Variants in PIK3C2G observed in about 807,000 individuals in gnomAD.
PIK3C2G encodes the protein phosphatidylinositol-4-phosphate 3-kinase catalytic subunit type 2 gamma.
PIK3C2G carries 168 observed loss-of-function variants against 181.1 expected under a neutral mutation model. The ratio of observed to expected loss-of-function variants is 0.93; its 90% confidence interval spans 0.82 to 1.05. The LOEUF (loss-of-function observed/expected upper bound fraction) is 1.05. PIK3C2G is among the 50% of genes least tolerant of loss of function. PIK3C2G has a pLI of 0.00. For synonymous variants in PIK3C2G, 573 were observed against 592.2 expected (o/e 0.97, Z 0.47); for missense variants, 1,869 against 1,732.8 (o/e 1.08, Z -1.40).
chr12:18,366,356 A>G (rs1166762498), intron 12 of PIK3C2G, among the ~76,000 whole-genome samples: 2 of 152,088 alleles, frequency 1.3e-5, no homozygotes, highest in African/African-American at 4.8e-5. Context: ...AACATGGCGA[A>G]ACCCCATCTC....
intron 18 of PIK3C2G, among the ~76,000 whole-genome samples, chr12:18,453,767 A>G (rs1205978753): frequency 1.3e-5 from 2 of 151,116 alleles, no homozygotes; most frequent in East Asian, 3.9e-4. Flanking sequence ...TTTGCTATCA[A>G]AAAAAAAGTA....
chr12:18,392,113 T>G (rs1779068219), intron 15 of PIK3C2G, among the ~76,000 whole-genome samples: 1 of 152,070 alleles, frequency 6.6e-6, no homozygotes, highest in Non-Finnish European at 1.5e-5. Context: ...CCATGATGGC[T>G]AGAACTAAGA....
chr12:18,514,529 T>C (rs973324035), intron 24 of PIK3C2G, among the ~76,000 whole-genome samples: 2 of 151,970 alleles, frequency 1.3e-5, no homozygotes, highest in African/African-American at 4.8e-5. Flanking sequence ...GCCTTTTTGA[T>C]GTCTTTTTCA....
chr12:18,500,385 G>A (rs970546218), intron 22 of PIK3C2G, among the ~76,000 whole-genome samples: 1 of 152,200 alleles, frequency 6.6e-6, no homozygotes, highest in East Asian at 1.9e-4. Context: ...CTTCCCGCGG[G>A]GCAAGGCTCG....
Position 18,282,625 on chromosome 12 carries a change from T to C in PIK3C2G, c.544T>C (p.Phe182Leu). Residue 182 changes from phenylalanine (F) to leucine (L), a missense_variant, in exon 2 of 33, where the codon TTC becomes CTC. Transcript: ENST00000538779. ...ESSIPPTNSSFSSDFMPKEEN... is the reference protein window; with the variant it reads ...ESSIPPTNSSLSSDFMPKEEN... ...TAGCATTCCTCCAACAAATTCATCC[T>C]TCTCAAGTGACTTCATGCCGAAAGA... 6.2e-7 allele frequency: 1 copy of C among 1,613,388 alleles called. No homozygotes were observed. Among genetic ancestry groups the C allele is most frequent in the Non-Finnish European group, 8.5e-7 (1 of 1,179,398 alleles).
intron 31 of PIK3C2G, among the ~76,000 whole-genome samples, chr12:18,622,113 A>G (rs569678436): frequency 1.3e-3 from 198 of 152,008 alleles, no homozygotes; most frequent in Non-Finnish European, 2.3e-3. Context: ...ACAATACTCA[A>G]TTATTAGTGA....
intron 19 of PIK3C2G, among the ~76,000 whole-genome samples, chr12:18,489,053 C>T (rs1940321743): frequency 6.6e-6 from 1 of 151,916 alleles, no homozygotes; most frequent in Admixed American, 6.6e-5. Flanking sequence ...AAATCAATGG[C>T]CTTAAGAACA....
At position 18,292,227 on chromosome 12, in the gene PIK3C2G, A is replaced by AAAAAAAAAAAAAT; in HGVS notation, c.919+1216_919+1217insAAAAAAAAAAATA. ...CTCCATCTCAAAAAAAAAAAAAAAAAATATATATATATATATATATATATA... is the reference window on the plus strand; with the variant it reads ...CTCCATCTCAAAAAAAAAAAAAAAAAAAAAAAAAAAAATATATATATATATATATATATATATA... On this transcript the variant is annotated intron_variant, in intron 4 of 32. Transcript: ENST00000538779. Among the ~76,000 whole-genome samples, 29 of 48,718 alleles carry AAAAAAAAAAAAAT rather than the reference A, an allele frequency of 6.0e-4. 1 individual carries two copies. Among genetic ancestry groups the AAAAAAAAAAAAAT allele is most frequent in the Non-Finnish European group, 7.7e-4 (23 of 29,926 alleles). 32.0% of individuals were successfully genotyped at this position (48,718 alleles called of 152,430 possible).
At chr12:18,691,028 T>G in the PIK3C2G span, among the ~76,000 whole-genome samples, 1 of 152,168 alleles carries the variant, frequency 6.6e-6, no homozygotes, top group East Asian at 1.9e-4. Context: ...ACAGGCTACC[T>G]GAAACCATCA....
At chr12:18,392,842 G>C (rs1272488723) in intron 15 of PIK3C2G, among the ~76,000 whole-genome samples, 1 of 152,022 alleles carries the variant, frequency 6.6e-6, no homozygotes, top group Non-Finnish European at 1.5e-5. Context: ...GGACTGAATT[G>C]ACCTTGCATA....
intron 16 of PIK3C2G, among the ~76,000 whole-genome samples, chr12:18,407,915 A>G (rs1326511906): frequency 1.3e-5 from 2 of 152,174 alleles, no homozygotes; most frequent in African/African-American, 4.8e-5. Flanking sequence ...AGATGAACTG[A>G]CATTTGAAGG....
At chr12:18,530,483 T>C (rs961645779) in intron 24 of PIK3C2G, among the ~76,000 whole-genome samples, 1 of 152,200 alleles carries the variant, frequency 6.6e-6, no homozygotes, top group African/African-American at 2.4e-5. Flanking sequence ...ACAAATTTCC[T>C]GGAGGAGTTG....
intron 1 of PIK3C2G, among the ~76,000 whole-genome samples, chr12:18,281,517 G>GT (rs1555144750): frequency 1.3e-5 from 2 of 150,288 alleles, no homozygotes; most frequent in Admixed American, 6.9e-5. Context: ...ATTATTTCGA[G>GT]TTTTTTGGGG....
upstream of PIK3C2G, among the ~76,000 whole-genome samples, chr12:18,257,884 A>G (rs985245481): frequency 1.3e-5 from 2 of 152,082 alleles, no homozygotes; most frequent in Non-Finnish European, 2.9e-5. Context: ...GAAAGAAAGA[A>G]AAGAAACAGA....
At chr12:18,539,529 T>C (rs924568997) in intron 25 of PIK3C2G, among the ~76,000 whole-genome samples, 2 of 151,882 alleles carry the variant, frequency 1.3e-5, no homozygotes, top group Admixed American at 1.3e-4. Context: ...TAATTTTTAT[T>C]AAACAAAATT....
the PIK3C2G span, among the ~76,000 whole-genome samples, chr12:18,707,863 G>A: frequency 1.3e-5 from 2 of 152,004 alleles, no homozygotes; most frequent in Non-Finnish European, 2.9e-5. Context: ...TTGCTCTTTT[G>A]GGTGTTTTTA....
chr12:18,715,520 GC>G, the PIK3C2G span, among the ~76,000 whole-genome samples: 1 of 151,802 alleles, frequency 6.6e-6, no homozygotes, highest in Non-Finnish European at 1.5e-5. Context: ...TCCTGCCTCA[GC>G]CCCCTGAGTA....
chr12:18,371,329 G>C lies in PIK3C2G; in HGVS notation c.1880+18G>C. ...CCAAAAGAGTAAGTGTATCAATTGTGAGTAATAAGCCTATCATTTCAATAA... is the reference window on the plus strand; with the variant it reads ...CCAAAAGAGTAAGTGTATCAATTGTCAGTAATAAGCCTATCATTTCAATAA... On this transcript the variant is annotated intron_variant, in intron 13 of 32. Coordinates refer to ENST00000538779, the MANE Select transcript of PIK3C2G (RefSeq NM_001288772.2). 6.3e-7 allele frequency: 1 copy of C among 1,591,418 alleles called. No homozygotes were observed. Among genetic ancestry groups the C allele is most frequent in the East Asian group, 2.3e-5 (1 of 44,220 alleles).
intron 19 of PIK3C2G, 113 bp downstream of exon 19, chr12:18,488,742 C>G (rs563157552): frequency 1.7e-6 from 1 of 600,730 alleles, no homozygotes; most frequent in Non-Finnish European, 2.5e-6. Context: ...ATAGAAGATA[C>G]TTAAATCAAT....
Sources: gnomAD v4.1 joint callset for allele counts (sites outside exome capture counted in the v4.1 genomes callset) on GRCh38, gnomAD v4.1.1 for gene constraint, MANE v1.5 for transcripts, NCBI Gene and HGNC (gene_info 2026-07-23, HGNC 2026-07-21) for gene names.